FRMD4B: variants seen among roughly 807,000 people sequenced by gnomAD.
The protein encoded by FRMD4B is FERM domain-containing protein 4B.
In FRMD4B, 74 loss-of-function variants were observed where a neutral mutation model predicts 141.5. The ratio of observed to expected loss-of-function variants is 0.52; its 90% confidence interval spans 0.43 to 0.63. FRMD4B has a LOEUF of 0.63. Among genes scored for constraint, FRMD4B ranks in the 30% least tolerant of loss-of-function variants. The pLI is 0.00. For missense variants in FRMD4B, 1,366 were observed against 1,253.4 expected (o/e 1.09, Z -1.36); for synonymous variants, 506 against 467.9 (o/e 1.08, Z -1.05).
intron 12 of FRMD4B, 147 bp downstream of exon 12, chr3:69,198,551 T>C (rs931522732): frequency 2.0e-5 from 12 of 614,286 alleles, no homozygotes; most frequent in African/African-American, 3.7e-5. Context: ...TAAAGATAGT[T>C]ACCATTTGAC....
chr3:69,191,825 C>T (rs905825792), intron 17 of FRMD4B, among the ~76,000 whole-genome samples: 4 of 152,152 alleles, frequency 2.6e-5, no homozygotes, highest in African/African-American at 9.7e-5. Context: ...AGAAATTAAC[C>T]ACCCCCAAGA....
In FRMD4B at chr3:69,454,833, C is replaced by T. The variant is rs139402491; in HGVS notation, c.-128-22072G>A. ...GGGCAGGCGCACCATGCAGGACTGG[C>T]GGGCACCTCCGCCCGTGGCCCCTGC... On this transcript the variant is annotated intron_variant, in intron 1 of 5. Coordinates refer to the FRMD4B transcript ENST00000459638. Among the ~76,000 whole-genome samples the T allele has an allele frequency of 5.8e-3, 891 of 152,328 alleles. 10 individuals are homozygous for T. Among genetic ancestry groups the T allele is most frequent in the African/African-American group, 0.02 (842 of 41,588 alleles).
At chr3:69,501,451 G>A (rs1706496441) in intron 1 of FRMD4B, among the ~76,000 whole-genome samples, 1 of 152,076 alleles carries the variant, frequency 6.6e-6, no homozygotes, top group African/African-American at 2.4e-5. Context: ...ATTGTTGTAA[G>A]AATTAAATGA....
chr3:69,370,257 G>C, intron 1 of FRMD4B, among the ~76,000 whole-genome samples: 1 of 152,222 alleles, frequency 6.6e-6, no homozygotes, highest in South Asian at 2.1e-4. Context: ...AAAAAAGAGA[G>C]CAAACGGTCT....
At chr3:69,177,380 T>C (rs2092658448) in intron 21 of FRMD4B, among the ~76,000 whole-genome samples, 1 of 152,126 alleles carries the variant, frequency 6.6e-6, no homozygotes, top group Non-Finnish European at 1.5e-5. Context: ...GTCAGCTCAG[T>C]GGCACAAGCC....
intron 1 of FRMD4B, among the ~76,000 whole-genome samples, chr3:69,358,261 T>C (rs1703381323): frequency 6.6e-6 from 1 of 152,240 alleles, no homozygotes; most frequent in African/African-American, 2.4e-5. Context: ...GTGTGGCCTA[T>C]GTAGGCCCAC....
chr3:69,425,104 G>GT (rs1230312579), intron 2 of FRMD4B, among the ~76,000 whole-genome samples: 1 of 152,096 alleles, frequency 6.6e-6, no homozygotes, highest in Non-Finnish European at 1.5e-5. Flanking sequence ...CTCTTCCATG[G>GT]TTTTTCATGG....
At chr3:69,531,549 C>G (rs1185568394) in intron 1 of FRMD4B, among the ~76,000 whole-genome samples, 2 of 152,214 alleles carry the variant, frequency 1.3e-5, no homozygotes, top group Non-Finnish European at 2.9e-5. Context: ...GTAAATGAAA[C>G]TGTACATGGG....
intron 1 of FRMD4B, among the ~76,000 whole-genome samples, chr3:69,372,630 T>C (rs1266472340): frequency 1.3e-5 from 2 of 152,028 alleles, no homozygotes; most frequent in African/African-American, 4.8e-5. Flanking sequence ...ATGCCACTGC[T>C]CTCCAGCCTG....
intron 1 of FRMD4B, among the ~76,000 whole-genome samples, chr3:69,368,589 T>A (rs987944523): frequency 6.6e-6 from 1 of 152,216 alleles, no homozygotes; most frequent in Non-Finnish European, 1.5e-5. Context: ...TATGTCTCAC[T>A]CTTCTGCCTT....
intron 1 of FRMD4B, among the ~76,000 whole-genome samples, chr3:69,334,934 G>A (rs930633248): frequency 2.0e-5 from 3 of 152,324 alleles, no homozygotes; most frequent in South Asian, 2.1e-4. Context: ...ATTTCAGGTC[G>A]TGTTAAGTAC....
intron 7 of FRMD4B, among the ~76,000 whole-genome samples, chr3:69,242,711 C>T (rs1012595418): frequency 1.8e-4 from 27 of 146,218 alleles, no homozygotes; most frequent in Admixed American, 6.0e-4. Flanking sequence ...AAAAAAAAGG[C>T]CGGGCTCGTT....
chr3:69,330,827 C>T (rs997876925), intron 1 of FRMD4B, among the ~76,000 whole-genome samples: 1 of 152,188 alleles, frequency 6.6e-6, no homozygotes, highest in African/African-American at 2.4e-5. Flanking sequence ...AGATGCCTCC[C>T]AGTTGTGTTG....
At chr3:69,317,357 G>A (rs954866800) in intron 1 of FRMD4B, among the ~76,000 whole-genome samples, 5 of 152,164 alleles carry the variant, frequency 3.3e-5, no homozygotes, top group African/African-American at 1.2e-4. Context: ...TTGGGTCTGA[G>A]AGGATAAAAA....
Position 69,181,059 on chromosome 3 carries a change from C to A in FRMD4B, c.2691G>T (p.Glu897Asp). Reference sequence around the variant, plus strand: ...CCCGCTGGTACCAGCCACGCAAGTGCTCGGCAACTAAGGCCTTGTGGATGT... The same window carrying A: ...CCCGCTGGTACCAGCCACGCAAGTGATCGGCAACTAAGGCCTTGTGGATGT... ...TKNIHKALVA[E>D]HLRGWYQRAS... Residue 897 changes from glutamate (E) to aspartate (D), a missense_variant, in exon 21 of 23, where the codon GAG becomes GAT. Glu to Asp is a conservative substitution (Grantham distance 45). Coordinates refer to ENST00000398540, the MANE Select transcript of FRMD4B (RefSeq NM_015123.3). The A allele has an allele frequency of 6.2e-7, 1 of 1,614,008 alleles. No homozygotes were observed. Among genetic ancestry groups the A allele is most frequent in the East Asian group, 2.2e-5 (1 of 44,882 alleles).
At chr3:69,414,060 C>G (rs4855312) in intron 2 of FRMD4B, among the ~76,000 whole-genome samples, 3 of 151,854 alleles carry the variant, frequency 2.0e-5, no homozygotes, top group African/African-American at 7.3e-5. Context: ...ATGGCATGTT[C>G]CTCAAAACAC....
At chr3:69,209,810 G>A (rs937969813) in intron 11 of FRMD4B, among the ~76,000 whole-genome samples, 47 of 152,264 alleles carry the variant, frequency 3.1e-4, no homozygotes, top group African/African-American at 1.1e-3. Flanking sequence ...TGTAGAAAGA[G>A]AACAACCCAT....
rs543677168 is a variant in FRMD4B at position 69,540,519 on chromosome 3, C to T, written c.-129+1687G>A. On this transcript the variant is annotated intron_variant, in intron 1 of 5. Transcript: ENST00000459638. ...ATCCCAGCTACTCGGGAGGCTGAGG[C>T]AGGAGACTCGCTTGAACTCGGGAGG... Among the ~76,000 whole-genome samples the T allele has an allele frequency of 2.1e-5, 3 of 145,002 alleles. No homozygotes were observed. In the South Asian group the frequency reaches 6.6e-4, roughly 32 times the overall value.
chr3:69,345,330 G>T (rs1454314509), intron 1 of FRMD4B, among the ~76,000 whole-genome samples: 1 of 152,216 alleles, frequency 6.6e-6, no homozygotes, highest in Non-Finnish European at 1.5e-5. Context: ...GGTAAGCAAA[G>T]CAGCCTGGAA....
Sources: gnomAD v4.1 joint callset for allele counts (sites outside exome capture counted in the v4.1 genomes callset) on GRCh38, gnomAD v4.1.1 for gene constraint, MANE v1.5 for transcripts, NCBI Gene and HGNC (gene_info 2026-07-23, HGNC 2026-07-21) for gene names.